TMEM222: variants seen among roughly 807,000 people sequenced by gnomAD.
TMEM222 encodes chromosome 1 open reading frame 160.
TMEM222 carries 18 observed loss-of-function variants against 25.1 expected under a neutral mutation model. That is an observed-to-expected ratio of 0.72 (90% confidence interval 0.50 to 1.06). TMEM222 has a LOEUF of 1.06. Ranked by LOEUF, TMEM222 falls within the 50% of genes least tolerant of loss-of-function variation. The probability of loss-of-function intolerance (pLI) is 0.00; values close to 1 mark genes in which losing one functional copy is unlikely to be tolerated. For missense variants in TMEM222, 296 were observed against 293.7 expected, an observed-to-expected ratio of 1.01 and a Z score of -0.06; for synonymous variants, 131 against 117.9, an observed-to-expected ratio of 1.11 and a Z score of -0.72.
rs535857537 is a variant in TMEM222, at chr1:27,331,161, C to T, written c.279+357C>T. The T allele has an allele frequency of 1.2e-5, 14 of 1,124,778 alleles. No homozygotes were observed. In the Admixed American group the frequency reaches 1.4e-4, roughly 11 times the overall value. 69.7% of individuals were successfully genotyped at this position (1,124,778 alleles called of 1,614,324 possible). ...AGGTGGGAGTCAAGGTGGGGGGACA[C>T]GGGAGGCTGATTCGGTTCCCTGGGT... On this transcript the variant is annotated intron_variant, in intron 2 of 5. Coordinates refer to ENST00000374076, the MANE Select transcript of TMEM222 (RefSeq NM_032125.3).
At chr1:27,334,976 A>G (rs2014569689) in intron 5 of TMEM222, 1 of 334,354 alleles carries the variant, frequency 3.0e-6, no homozygotes, top group Non-Finnish European at 5.2e-6. Flanking sequence ...CAGAGCTCCC[A>G]GTAGTCCCCA....
chr1:27,324,397 T>G (rs1274751218), intron 1 of TMEM222, among the ~76,000 whole-genome samples: 1 of 152,266 alleles, frequency 6.6e-6, no homozygotes, highest in East Asian at 1.9e-4. Context: ...CTTGTGATCC[T>G]AAACTCTCTT....
chr1:27,323,032 G>A (rs1187043221), intron 1 of TMEM222, among the ~76,000 whole-genome samples: 1 of 152,226 alleles, frequency 6.6e-6, no homozygotes, highest in African/African-American at 2.4e-5. Context: ...CTCATATGGG[G>A]AGAGGTGGTT....
chr1:27,322,234 C>T lies in TMEM222; in HGVS notation c.37C>T (p.Pro13Ser), dbSNP rs771255804. The T allele has an allele frequency of 1.4e-5, 21 of 1,456,522 alleles. No homozygotes were observed. Among genetic ancestry groups the T allele is most frequent in the Admixed American group, 2.7e-5 (1 of 36,514 alleles). The allele number at this position is 1,456,522 out of a possible 1,614,324, so 90.2% of individuals were successfully genotyped here. Residue 13 changes from proline (P) to serine (S), a missense_variant, in exon 1 of 6, where the codon CCG becomes TCG. Coordinates refer to ENST00000374076, the MANE Select transcript of TMEM222 (RefSeq NM_032125.3). ...EAEGSSLLLL[P>S]PPPPPPRMAE... The stretch of plus-strand genomic sequence containing the variant: ...GGAAGGGAGTTCTCTGCTCTTGTTG[C>T]CGCCGCCGCCACCCCCGCCCAGGAT...
At chr1:27,326,240 G>C (rs1277379662) in intron 1 of TMEM222, among the ~76,000 whole-genome samples, 1 of 152,176 alleles carries the variant, frequency 6.6e-6, no homozygotes, top group African/African-American at 2.4e-5. Context: ...TGTCCTGCTG[G>C]TCTGTCAGGG....
chr1:27,326,158 T>C (rs2014345061), intron 1 of TMEM222, among the ~76,000 whole-genome samples: 1 of 152,120 alleles, frequency 6.6e-6, no homozygotes, highest in Non-Finnish European at 1.5e-5. Context: ...CTTTGCAGGG[T>C]ATTAATATGT....
At chr1:27,333,553 C>T in intron 3 of TMEM222, 1 of 441,914 alleles carries the variant, frequency 2.3e-6, no homozygotes. Flanking sequence ...CCACTGTGTC[C>T]CCACGTGGTG....
At chr1:27,334,737 A>G (rs1489147419) in intron 5 of TMEM222, 3 of 1,266,622 alleles carry the variant, frequency 2.4e-6, no homozygotes, top group Non-Finnish European at 3.1e-6. Flanking sequence ...CAGAGCCCAG[A>G]CTCGTGAGCC....
chr1:27,333,186 C>A (rs894397690), intron 3 of TMEM222: 9 of 380,808 alleles, frequency 2.4e-5, no homozygotes, highest in Non-Finnish European at 4.8e-5. Flanking sequence ...TAGCTGCCAG[C>A]ATTCCATCAC....
chr1:27,332,459 G>A (rs752881666), intron 3 of TMEM222: 1 of 718,196 alleles, frequency 1.4e-6, no homozygotes, highest in South Asian at 1.5e-5. Flanking sequence ...TCACTCTCCT[G>A]CCCTTTGGGA....
chr1:27,330,867 G>A, intron 2 of TMEM222, 63 bp downstream of exon 2: 2 of 1,601,974 alleles, frequency 1.2e-6, no homozygotes, highest in Non-Finnish European at 1.7e-6. Flanking sequence ...GTCCTGTCTT[G>A]CCTGCAGGCA....
chr1:27,332,676 C>G, intron 3 of TMEM222: 1 of 624,866 alleles, frequency 1.6e-6, no homozygotes. Flanking sequence ...CTCAGGTGAC[C>G]TGTTGCCCAA....
At position 27,333,228 on chromosome 1, in the gene TMEM222, C is replaced by T. The variant is rs971110532; in HGVS notation, c.312-730C>T. ...TCTCTTTCTGCATCCTCCAGGAGGG[C>T]TCAGTCACTTCAGTTATGGGACATG... On this transcript the variant is annotated intron_variant, in intron 3 of 5. Transcript: ENST00000374076. 5 of 430,392 alleles carry T rather than the reference C, an allele frequency of 1.2e-5. No homozygotes were observed. In the East Asian group the frequency reaches 3.6e-4, roughly 31 times the overall value. 26.7% of individuals were successfully genotyped at this position (430,392 alleles called of 1,614,324 possible). A position where few individuals can be genotyped will look rare whatever the true frequency, so the allele number is the denominator to read the frequency against.
intron 3 of TMEM222, chr1:27,332,847 T>C: frequency 2.7e-6 from 1 of 364,982 alleles, no homozygotes; most frequent in Admixed American, 4.0e-5. Flanking sequence ...GCCAGACTGC[T>C]CTTCAAGGAC....
At chr1:27,323,855 CCT>C (rs1236437068) in intron 1 of TMEM222, among the ~76,000 whole-genome samples, 1 of 152,146 alleles carries the variant, frequency 6.6e-6, no homozygotes, top group Non-Finnish European at 1.5e-5. Context: ...CTAAGTGACC[CCT>C]GTGTTCCCAG....
At chr1:27,325,425 A>C in intron 1 of TMEM222, 1 of 1,167,348 alleles carries the variant, frequency 8.6e-7, no homozygotes, top group South Asian at 1.2e-5. Flanking sequence ...CATCAGCAAC[A>C]AGCGGTTCCA....
At chr1:27,332,444 T>C in intron 3 of TMEM222, 1 of 718,162 alleles carries the variant, frequency 1.4e-6, no homozygotes, top group Non-Finnish European at 2.6e-6. Flanking sequence ...TGTCTCCCTC[T>C]AGACTCACTC....
At chr1:27,323,884 C>T (rs970729962) in intron 1 of TMEM222, among the ~76,000 whole-genome samples, 4 of 152,014 alleles carry the variant, frequency 2.6e-5, no homozygotes, top group Admixed American at 6.5e-5. Flanking sequence ...CTAGGTGATG[C>T]GAATATACAG....
At chr1:27,322,923 G>A (rs1260246603) in intron 1 of TMEM222, among the ~76,000 whole-genome samples, 2 of 152,000 alleles carry the variant, frequency 1.3e-5, no homozygotes, top group Non-Finnish European at 2.9e-5. Flanking sequence ...TAGATCCCAG[G>A]TTGTCTGCCT....
Sources: allele counts gnomAD v4.1 joint callset (sites outside exome capture counted in the v4.1 genomes callset), GRCh38; gene constraint gnomAD v4.1.1; transcripts MANE v1.5; gene names NCBI Gene and HGNC (gene_info 2026-07-23, HGNC 2026-07-21).